DYNLT5: variants seen among roughly 807,000 people sequenced by gnomAD.
DYNLT5 encodes the protein dynein light chain Tctex-type 5.
DYNLT5 carries 25 observed loss-of-function variants against 19.3 expected under a neutral mutation model. The observed-to-expected ratio is 1.30, with a 90% CI of 0.95 to 1.81. The LOEUF (loss-of-function observed/expected upper bound fraction) is 1.81. DYNLT5 is among the 40% of genes most tolerant of loss of function. DYNLT5 has a pLI of 0.00. For synonymous variants in DYNLT5, 82 were observed against 68.9 expected, an observed-to-expected ratio of 1.19 and a Z score of -0.94; for missense variants, 232 against 217.9, an observed-to-expected ratio of 1.06 and a Z score of -0.41.
intron 2 of DYNLT5, among the ~76,000 whole-genome samples, chr1:66,758,827 A>T (rs138084356): frequency 1.6e-3 from 240 of 152,312 alleles, no homozygotes; most frequent in African/African-American, 5.6e-3. Context: ...TTATTCTATC[A>T]TTCAATCTAT....
At chr1:66,775,826 G>A (rs966784846) in intron 3 of DYNLT5, among the ~76,000 whole-genome samples, 1 of 152,228 alleles carries the variant, frequency 6.6e-6, no homozygotes, top group Non-Finnish European at 1.5e-5. Context: ...AGCCTGTGAG[G>A]CTGGAGCAGT....
intron 2 of DYNLT5, among the ~76,000 whole-genome samples, chr1:66,764,684 A>G (rs1052558693): frequency 3.3e-5 from 5 of 152,226 alleles, no homozygotes; most frequent in Non-Finnish European, 4.4e-5. Context: ...ATGCTGTTGG[A>G]AAAATAATGC....
At chr1:66,764,567 A>G (rs867247298) in intron 2 of DYNLT5, among the ~76,000 whole-genome samples, 6 of 152,248 alleles carry the variant, frequency 3.9e-5, no homozygotes, top group Non-Finnish European at 1.5e-5. Flanking sequence ...AATTACAATA[A>G]TAACATAAAA....
At chr1:66,774,270 T>G (rs1572552240) in intron 3 of DYNLT5, among the ~76,000 whole-genome samples, 1 of 152,102 alleles carries the variant, frequency 6.6e-6, no homozygotes, top group South Asian at 2.1e-4. Flanking sequence ...GACTCTTTTT[T>G]CCTACTTGCA....
At chr1:66,755,577 C>T (rs563088369) in intron 2 of DYNLT5, 1 of 152,244 alleles carries the variant, frequency 6.6e-6, no homozygotes, top group Admixed American at 6.5e-5. Flanking sequence ...CTAGGGTGTC[C>T]TGCAGAACAG....
At position 66,777,971 on chromosome 1, in the gene DYNLT5, A is replaced by C. The variant is rs1645246772; in HGVS notation, c.*517A>C. The C allele has an allele frequency of 6.5e-6, 1 of 152,870 alleles. No individual in the cohort carries two copies. The highest frequency in any genetic ancestry group is 1.5e-5 in the Non-Finnish European group (1 of 68,214). The allele number at this position is 152,870 out of a possible 1,614,324, so 9.5% of individuals were successfully genotyped here. On this transcript the variant is annotated 3_prime_UTR_variant, in exon 5 of 5. Coordinates refer to ENST00000282670, the MANE Select transcript of DYNLT5 (RefSeq NM_152665.3). Reference sequence around the variant, plus strand: ...ATTAAGTGCAATTATTGTTACATGTACCTGACAGTTGAAACTGCTGAGGTA... The same window carrying C: ...ATTAAGTGCAATTATTGTTACATGTCCCTGACAGTTGAAACTGCTGAGGTA...
Position 66,778,963 on chromosome 1 carries a change from C to T in DYNLT5, c.*1509C>T, listed in dbSNP as rs1645254298. On this transcript the variant is annotated 3_prime_UTR_variant, in exon 5 of 5. Coordinates refer to ENST00000282670, the MANE Select transcript of DYNLT5 (RefSeq NM_152665.3). ...ATTTTCATTACACATTGGTGAACATCTCCCTTCGTGGAACAACAGCGGGGG... is the reference window on the plus strand; with the variant it reads ...ATTTTCATTACACATTGGTGAACATTTCCCTTCGTGGAACAACAGCGGGGG... 6.6e-6 allele frequency among the ~76,000 whole-genome samples: 1 copy of T among 152,208 alleles called. No homozygotes were observed. Among genetic ancestry groups the T allele is most frequent in the Non-Finnish European group, 1.5e-5 (1 of 68,038 alleles).
chr1:66,764,599 A>T (rs906915726), intron 2 of DYNLT5, among the ~76,000 whole-genome samples: 4 of 152,358 alleles, frequency 2.6e-5, no homozygotes, highest in Admixed American at 2.6e-4. Context: ...ATCGCTCTCC[A>T]TAACAGATGT....
At chr1:66,771,578 G>A (rs1439626874) in intron 3 of DYNLT5, among the ~76,000 whole-genome samples, 1 of 152,200 alleles carries the variant, frequency 6.6e-6, no homozygotes, top group Non-Finnish European at 1.5e-5. Context: ...GCTCTGGCAG[G>A]ATCTGCCACC....
Position 66,770,433 on chromosome 1 carries a change from G to A in DYNLT5, c.166G>A (p.Asp56Asn). ...SYMEEPSQRDDISRLTVQMEN... is the reference protein window; with the variant it reads ...SYMEEPSQRDNISRLTVQMEN... ...TATGGAAGAACCCAGTCAGCGTGAT[G>A]ATATCTCTCGCCTTACAGTTCAGAT... is the stretch of plus-strand genomic sequence containing the variant. The change falls in exon 3 of 5, where the codon GAT (aspartate) becomes AAT (asparagine). Residue 56 changes from aspartate to asparagine, a missense_variant. Asp to Asn is a conservative substitution (Grantham distance 23). Transcript: ENST00000282670. The A allele has an allele frequency of 2.5e-6, 4 of 1,613,576 alleles. No individual in the cohort carries two copies. The highest frequency in any genetic ancestry group is 3.4e-6 in the Non-Finnish European group (4 of 1,179,690).
At chr1:66,752,787 A>G (rs72922032) in intron 1 of DYNLT5, among the ~76,000 whole-genome samples, 2,671 of 152,288 alleles carry the variant, frequency 0.018, 82 homozygotes, top group African/African-American at 0.062. Context: ...GCCCCATTGC[A>G]TGGCTGGGGG....
intron 3 of DYNLT5, among the ~76,000 whole-genome samples, chr1:66,771,374 CCACCAACAT>C (rs898219410): frequency 3.3e-5 from 5 of 152,204 alleles, no homozygotes; most frequent in Admixed American, 3.3e-4. Context: ...CTTTGAAATT[CCACCAACAT>C]CACCACTTTT....
chr1:66,765,255 T>C (rs2094652735), intron 2 of DYNLT5, among the ~76,000 whole-genome samples: 1 of 152,214 alleles, frequency 6.6e-6, no homozygotes, highest in African/African-American at 2.4e-5. Context: ...ATACTATATT[T>C]ATAAACATGG....
chr1:66,757,958 G>A (rs1321015252), intron 2 of DYNLT5, among the ~76,000 whole-genome samples: 1 of 152,102 alleles, frequency 6.6e-6, no homozygotes, highest in Non-Finnish European at 1.5e-5. Flanking sequence ...AAACCGTAGG[G>A]CCTGCAAATC....
intron 2 of DYNLT5, among the ~76,000 whole-genome samples, chr1:66,758,052 C>T (rs1229022585): frequency 2.6e-5 from 4 of 152,096 alleles, no homozygotes; most frequent in East Asian, 1.9e-4. Context: ...CTCCCCCATT[C>T]GACAAATGAA....
At chr1:66,770,072 T>A (rs1329816075) in intron 2 of DYNLT5, among the ~76,000 whole-genome samples, 1 of 152,138 alleles carries the variant, frequency 6.6e-6, no homozygotes, top group East Asian at 1.9e-4. Context: ...TGGCAATGGA[T>A]TTTGAAGTAT....
Position 66,776,317 on chromosome 1 carries a change from A to G in DYNLT5, c.250A>G (p.Ile84Val). The G allele has an allele frequency of 6.2e-7, 1 of 1,613,470 alleles. No homozygotes were observed. Among genetic ancestry groups the G allele is most frequent in the Non-Finnish European group, 8.5e-7 (1 of 1,179,688 alleles). ...KHFPVVTVNHILKDVVTSYLQ... is the reference protein window; with the variant it reads ...KHFPVVTVNHVLKDVVTSYLQ... ...TTTTCCTGTGGTCACCGTCAATCAT[A>G]TTTTGAAAGATGTAGTAACCAGCTA... is the stretch of plus-strand genomic sequence containing the variant. Residue 84 changes from isoleucine to valine, a missense_variant, in exon 4 of 5, where the codon ATT becomes GTT. Coordinates refer to ENST00000282670, the MANE Select transcript of DYNLT5 (RefSeq NM_152665.3).
chr1:66,764,353 G>A (rs2094650916), intron 2 of DYNLT5, among the ~76,000 whole-genome samples: 1 of 152,130 alleles, frequency 6.6e-6, no homozygotes, highest in Admixed American at 6.5e-5. Context: ...AGAGATGTGG[G>A]ACTCTTCCTT....
chr1:66,753,681 G>C (rs1165075345), intron 1 of DYNLT5, among the ~76,000 whole-genome samples: 1 of 152,194 alleles, frequency 6.6e-6, no homozygotes, highest in Non-Finnish European at 1.5e-5. Flanking sequence ...AGGCACAGTG[G>C]TTGATGCCTG....
Sources: gnomAD v4.1 joint callset for allele counts (sites outside exome capture counted in the v4.1 genomes callset) on GRCh38, gnomAD v4.1.1 for gene constraint, MANE v1.5 for transcripts, NCBI Gene and HGNC (gene_info 2026-07-23, HGNC 2026-07-21) for gene names.